The following TUSC3 variants were observed in gnomAD, a reference collection of about 807,000 sequenced individuals.
The protein encoded by TUSC3 is dolichyl-diphosphooligosaccharide--protein glycosyltransferase subunit TUSC3.
A neutral mutation model predicts 44.8 loss-of-function variants in TUSC3; 45 were observed. The ratio of observed to expected loss-of-function variants is 1.00; its 90% CI spans 0.79 to 1.29. The LOEUF (loss-of-function observed/expected upper bound fraction) is 1.29, where lower values mean the gene tolerates loss of function less well. TUSC3 is among the 50% of genes most tolerant of loss of function. The pLI is 0.00. For synonymous variants in TUSC3, 212 were observed against 152.9 expected (o/e 1.39, Z -2.85); for missense variants, 519 against 437.9 (o/e 1.19, Z -1.65).
intron 1 of TUSC3, among the ~76,000 whole-genome samples, chr8:15,419,363 G>A (rs1799695893): frequency 6.6e-6 from 1 of 152,178 alleles, no homozygotes; most frequent in South Asian, 2.1e-4. Flanking sequence ...TCAATGTCTA[G>A]AAAGACATTT....
At chr8:15,599,741 G>C (rs1304875698) in intron 1 of TUSC3, among the ~76,000 whole-genome samples, 1 of 147,124 alleles carries the variant, frequency 6.8e-6, no homozygotes, top group Non-Finnish European at 1.5e-5. Flanking sequence ...GATTATGTCA[G>C]TCTGTTTCTT....
the TUSC3 span, among the ~76,000 whole-genome samples, chr8:15,832,687 A>G: frequency 0.029 from 4,411 of 152,304 alleles, 225 homozygotes; most frequent in African/African-American, 0.1. Context: ...AAGGCAAAGA[A>G]GGGCCTTACA....
At chr8:15,620,471 T>G (rs1805195480) in intron 1 of TUSC3, among the ~76,000 whole-genome samples, 1 of 152,198 alleles carries the variant, frequency 6.6e-6, no homozygotes, top group African/African-American at 2.4e-5. Flanking sequence ...AACATGACTG[T>G]GTACCCTGAA....
chr8:15,770,752 G>A (rs1391610528), downstream of TUSC3, among the ~76,000 whole-genome samples: 1 of 152,004 alleles, frequency 6.6e-6, no homozygotes, highest in East Asian at 1.9e-4. Flanking sequence ...GAGGAGACAA[G>A]GAAATATGAA....
At chr8:15,697,883 C>G (rs941471556) in intron 6 of TUSC3, among the ~76,000 whole-genome samples, 1 of 152,136 alleles carries the variant, frequency 6.6e-6, no homozygotes, top group African/African-American at 2.4e-5. Context: ...TTCTAGCCAT[C>G]TAACAATATC....
At chr8:15,426,824 G>A (rs1009056258) in intron 1 of TUSC3, among the ~76,000 whole-genome samples, 1 of 152,138 alleles carries the variant, frequency 6.6e-6, no homozygotes, top group Non-Finnish European at 1.5e-5. Context: ...GTATGCCATA[G>A]CTACTACACC....
intron 1 of TUSC3, among the ~76,000 whole-genome samples, chr8:15,478,620 T>C (rs1416009445): frequency 6.6e-5 from 10 of 152,230 alleles, no homozygotes; most frequent in African/African-American, 1.9e-4. Flanking sequence ...TTCCTTTTTA[T>C]GGCTGCATAG....
chr8:15,718,907 TGTC>T (rs1810178590), intron 6 of TUSC3, among the ~76,000 whole-genome samples: 1 of 152,114 alleles, frequency 6.6e-6, no homozygotes, highest in Admixed American at 6.6e-5. Context: ...CAAGAAATCT[TGTC>T]GTTCTTCCTT....
At chr8:15,647,776 ATTAT>A in intron 2 of TUSC3, among the ~76,000 whole-genome samples, 1 of 152,050 alleles carries the variant, frequency 6.6e-6, no homozygotes, top group Non-Finnish European at 1.5e-5. Context: ...TTCAAACTTG[ATTAT>A]TTGTCTCAAC....
At chr8:15,688,177 C>T (rs1412981072) in intron 6 of TUSC3, among the ~76,000 whole-genome samples, 1 of 151,676 alleles carries the variant, frequency 6.6e-6, no homozygotes, top group Non-Finnish European at 1.5e-5. Context: ...TTCATCGTAT[C>T]AATAAAGTTG....
the TUSC3 span, among the ~76,000 whole-genome samples, chr8:15,820,079 T>C: frequency 6.6e-6 from 1 of 152,134 alleles, no homozygotes; most frequent in Non-Finnish European, 1.5e-5. Context: ...TGTTCAATAT[T>C]ATCAAATGCT....
chr8:15,455,527 T>C lies in TUSC3; in HGVS notation n.92-27859T>C, dbSNP rs747255830. 8.5e-5 allele frequency among the ~76,000 whole-genome samples: 13 copies of C among 152,270 alleles called. No individual in the cohort carries two copies. In the East Asian group the frequency reaches 9.7e-4, roughly 11 times the overall value. On this transcript the variant is annotated intron_variant and non_coding_transcript_variant, in intron 1 of 5. Transcript: ENST00000503191. ...TGTATATATGTGTATATACATAACATACAGAGGCACACATATATATGCATT... is the reference window on the plus strand; with the variant it reads ...TGTATATATGTGTATATACATAACACACAGAGGCACACATATATATGCATT...
chr8:15,426,375 A>C (rs1415677434), intron 1 of TUSC3, among the ~76,000 whole-genome samples: 1 of 152,274 alleles, frequency 6.6e-6, no homozygotes, highest in Non-Finnish European at 1.5e-5. Context: ...CATAAGTGAA[A>C]CTTGATGCCC....
At chr8:15,436,411 G>C (rs774893669) in intron 1 of TUSC3, among the ~76,000 whole-genome samples, 1 of 152,124 alleles carries the variant, frequency 6.6e-6, no homozygotes, top group African/African-American at 2.4e-5. Context: ...TTTTAGATTC[G>C]ACCAACAGTG....
intron 2 of TUSC3, among the ~76,000 whole-genome samples, chr8:15,501,280 C>T (rs1225615549): frequency 6.6e-6 from 1 of 152,156 alleles, no homozygotes; most frequent in Non-Finnish European, 1.5e-5. Flanking sequence ...TGAAAACACT[C>T]TCTAGGCTTA....
chr8:15,525,538 C>G (rs1801361708), intron 2 of TUSC3, among the ~76,000 whole-genome samples: 1 of 152,168 alleles, frequency 6.6e-6, no homozygotes, highest in Non-Finnish European at 1.5e-5. Flanking sequence ...CTCACATAAA[C>G]AAAAGCTCTT....
At chr8:15,660,724 A>AT (rs1202558328) in intron 4 of TUSC3, among the ~76,000 whole-genome samples, 1 of 151,664 alleles carries the variant, frequency 6.6e-6, no homozygotes, top group African/African-American at 2.4e-5. Context: ...AATTCTTATC[A>AT]TTTTTTAATG....
intron 6 of TUSC3, among the ~76,000 whole-genome samples, chr8:15,683,465 C>G (rs536312779): frequency 9.2e-5 from 14 of 151,982 alleles, no homozygotes; most frequent in African/African-American, 1.4e-4. Context: ...ATTTGAAATT[C>G]CTATGGTGGA....
intron 6 of TUSC3, among the ~76,000 whole-genome samples, chr8:15,721,139 C>G (rs2543138): frequency 6.6e-6 from 1 of 151,732 alleles, no homozygotes; most frequent in South Asian, 2.1e-4. Flanking sequence ...CTCCTAATCA[C>G]CCCATAAGTA....
Sources: allele counts gnomAD v4.1 joint callset (sites outside exome capture counted in the v4.1 genomes callset), GRCh38; gene constraint gnomAD v4.1.1; transcripts MANE v1.5; gene names NCBI Gene and HGNC (gene_info 2026-07-23, HGNC 2026-07-21).